Variants in ALPK1 observed in about 807,000 individuals in gnomAD.
ALPK1 encodes the protein alpha kinase 1, also known as alpha-protein kinase 1.
In ALPK1, 110 loss-of-function variants were observed where a neutral mutation model predicts 120.6. The observed-to-expected ratio is 0.91, with a 90% CI of 0.78 to 1.07. The LOEUF is 1.07. Among genes scored for constraint, ALPK1 ranks in the 50% least tolerant of loss-of-function variants. The pLI, the probability that ALPK1 is intolerant of heterozygous loss-of-function variation, is 0.00. For synonymous variants in ALPK1, 582 were observed against 560.3 expected (o/e 1.04, Z -0.55); for missense variants, 1,498 against 1,483.9 (o/e 1.01, Z -0.16).
intron 4 of ALPK1, among the ~76,000 whole-genome samples, chr4:112,399,754 C>A (rs1295523707): frequency 6.6e-6 from 1 of 152,084 alleles, no homozygotes; most frequent in Non-Finnish European, 1.5e-5. Flanking sequence ...CTCTTGTCCT[C>A]CACCCCTCTA....
chr4:112,335,538 T>C (rs1299670514), intron 2 of ALPK1, among the ~76,000 whole-genome samples: 2 of 152,174 alleles, frequency 1.3e-5, no homozygotes, highest in Non-Finnish European at 2.9e-5. Flanking sequence ...ACTGGAATCC[T>C]GTTTGAGGGA....
rs17044455 is a variant in ALPK1, at chr4:112,346,266, A to T, written c.-101+30414A>T. Among the ~76,000 whole-genome samples, 1,058 of 152,354 alleles carry T rather than the reference A, an allele frequency of 6.9e-3. 15 individuals carry two copies. The highest frequency in any genetic ancestry group is 0.024 in the African/African-American group (992 of 41,582). ...ATTATATCATATATTATCAGTCAGA[A>T]ATCATGGGACTTTGAGTTTTAAGAA... On this transcript the variant is annotated intron_variant, in intron 2 of 15. Transcript: ENST00000650871.
At chr4:112,346,770 A>G (rs1285779833) in intron 2 of ALPK1, among the ~76,000 whole-genome samples, 1 of 152,260 alleles carries the variant, frequency 6.6e-6, no homozygotes, top group Non-Finnish European at 1.5e-5. Flanking sequence ...CACATAGCCA[A>G]CATCGAAAAA....
chr4:112,333,610 G>T (rs1310177174), intron 2 of ALPK1, among the ~76,000 whole-genome samples: 1 of 152,140 alleles, frequency 6.6e-6, no homozygotes, highest in East Asian at 1.9e-4. Context: ...CAGAACTAGC[G>T]CATTTACCAG....
Position 112,432,042 on chromosome 4 carries a change from C to G in ALPK1, c.2495C>G (p.Ser832Cys). ...TPNWPVQNPD[S>C]RKSGGPVAEQ... is the part of the protein sequence containing the mutation. ...AATTGGCCTGTTCAAAATCCTGACTCCAGAAAAAGTGGTGGCCCAGTCGCA... is the reference window on the plus strand; with the variant it reads ...AATTGGCCTGTTCAAAATCCTGACTGCAGAAAAAGTGGTGGCCCAGTCGCA... The change falls in exon 11 of 16, where the codon TCC becomes TGC. Residue 832 changes from serine to cysteine, a missense_variant. By Grantham distance (112) the Ser-to-Cys change is moderately radical (BLOSUM62 -1). Transcript: ENST00000650871. The G allele has an allele frequency of 6.2e-7, 1 of 1,613,910 alleles. No individual in the cohort carries two copies. Among genetic ancestry groups the G allele is most frequent in the Non-Finnish European group, 8.5e-7 (1 of 1,179,894 alleles).
chr4:112,383,827 T>C lies in ALPK1; in HGVS notation c.276+1275T>C, dbSNP rs532205569. 2.6e-5 allele frequency: 4 copies of C among 152,314 alleles called. No homozygotes were observed. The South Asian group carries it at 6.2e-4, about 24-fold the overall frequency. The allele number at this position is 152,314 out of a possible 1,614,324, so 9.4% of individuals were successfully genotyped here. On this transcript the variant is annotated intron_variant, in intron 4 of 15. Coordinates refer to ENST00000650871, the MANE Select transcript of ALPK1 (RefSeq NM_025144.4). Reference sequence around the variant, plus strand: ...AAAAATATTATACATTAAAAATGCATTTACTACACCCAACCTACTAAACAT... The same window carrying C: ...AAAAATATTATACATTAAAAATGCACTTACTACACCCAACCTACTAAACAT...
intron 4 of ALPK1, among the ~76,000 whole-genome samples, chr4:112,407,968 G>T (rs1049001246): frequency 6.6e-6 from 1 of 151,976 alleles, no homozygotes; most frequent in Non-Finnish European, 1.5e-5. Context: ...TTAGCCGGGC[G>T]TGGTGGCGTG....
intron 1 of ALPK1, among the ~76,000 whole-genome samples, chr4:112,297,785 C>A (rs1727605764): frequency 6.6e-6 from 1 of 152,048 alleles, no homozygotes; most frequent in Non-Finnish European, 1.5e-5. Flanking sequence ...TTTCTTAAGT[C>A]ACTGAGCTTC....
chr4:112,301,515 C>A (rs1313459597), intron 1 of ALPK1, among the ~76,000 whole-genome samples: 2 of 152,130 alleles, frequency 1.3e-5, no homozygotes, highest in Non-Finnish European at 2.9e-5. Flanking sequence ...CTCCTTCTAG[C>A]TTTCTGCTCT....
intron 4 of ALPK1, among the ~76,000 whole-genome samples, chr4:112,408,052 A>G (rs779324510): frequency 5.3e-5 from 8 of 152,066 alleles, no homozygotes; most frequent in Non-Finnish European, 8.8e-5. Flanking sequence ...GGTTGCAGTG[A>G]GCAGAGATTA....
chr4:112,438,733 G>A, intron 13 of ALPK1, 87 bp downstream of exon 13: 1 of 1,452,704 alleles, frequency 6.9e-7, no homozygotes, highest in Non-Finnish European at 9.4e-7. Context: ...ACATAATCAG[G>A]CTAGCATTTT....
At chr4:112,301,292 T>C (rs1024224368) in intron 1 of ALPK1, among the ~76,000 whole-genome samples, 9 of 152,224 alleles carry the variant, frequency 5.9e-5, no homozygotes, top group Admixed American at 2.0e-4. Context: ...CTTCTGAAGA[T>C]TGCAGGTTAC....
chr4:112,320,085 A>G (rs1434450699), intron 2 of ALPK1, among the ~76,000 whole-genome samples: 1 of 152,194 alleles, frequency 6.6e-6, no homozygotes, highest in Non-Finnish European at 1.5e-5. Flanking sequence ...GCTATGTTGA[A>G]TAGAAGTTGT....
At chr4:112,396,915 C>T (rs374630959) in intron 4 of ALPK1, among the ~76,000 whole-genome samples, 1 of 152,070 alleles carries the variant, frequency 6.6e-6, no homozygotes, top group Admixed American at 6.6e-5. Context: ...GTAACTGGAA[C>T]CACATGCGTG....
In ALPK1 at chr4:112,431,377, G is replaced by A. The variant is rs773155528; in HGVS notation, c.1830G>A (p.Glu610=). The change falls in exon 11 of 16, where the codon GAG becomes GAA. Residue 610 remains glutamate, a synonymous_variant. Transcript: ENST00000650871. The part of the protein sequence containing the change: ...YHVDDRSARK[E]PGKEHLVDTQ... The stretch of plus-strand genomic sequence containing the variant: ...TTGACGACAGGTCAGCCAGAAAAGA[G>A]CCTGGCAAAGAACATCTGGTGGACA... The A allele has an allele frequency of 6.2e-7, 1 of 1,614,200 alleles. No homozygotes were observed. Among genetic ancestry groups the A allele is most frequent in the Non-Finnish European group, 8.5e-7 (1 of 1,180,032 alleles).
chr4:112,414,163 TATA>T, intron 5 of ALPK1: 1 of 435,274 alleles, frequency 2.3e-6, no homozygotes, highest in Admixed American at 2.4e-5. Context: ...AAAGAGATTA[TATA>T]ATATTGTAAG....
chr4:112,402,950 G>C (rs1732987072), intron 4 of ALPK1, among the ~76,000 whole-genome samples: 1 of 151,560 alleles, frequency 6.6e-6, no homozygotes, highest in African/African-American at 2.4e-5. Context: ...AAAGAATCCT[G>C]AATCAAATTC....
chr4:112,431,403 C>T lies in ALPK1; in HGVS notation c.1856C>T (p.Thr619Ile). Residue 619 changes from threonine to isoleucine, a missense_variant, in exon 11 of 16, where the codon ACT (threonine) becomes ATT (isoleucine). By Grantham distance (89) the Thr-to-Ile change is moderately conservative (BLOSUM62 -1). Coordinates refer to ENST00000650871, the MANE Select transcript of ALPK1 (RefSeq NM_025144.4). ...CCTGGCAAAGAACATCTGGTGGACACTCAGTGTTCCACTGCCTTGTCTGAG... is the reference window on the plus strand; with the variant it reads ...CCTGGCAAAGAACATCTGGTGGACATTCAGTGTTCCACTGCCTTGTCTGAG... Reference protein sequence around the residue: ...KEPGKEHLVDTQCSTALSEEL... With the variant: ...KEPGKEHLVDIQCSTALSEEL... The T allele has an allele frequency of 2.5e-6, 4 of 1,614,210 alleles. No individual in the cohort carries two copies. The highest frequency in any genetic ancestry group is 3.4e-6 in the Non-Finnish European group (4 of 1,180,048).
intron 2 of ALPK1, among the ~76,000 whole-genome samples, chr4:112,347,009 T>C (rs1168108603): frequency 6.6e-6 from 1 of 152,184 alleles, no homozygotes; most frequent in African/African-American, 2.4e-5. Context: ...GTTCTTTTCT[T>C]CCCCTTCATT....
Sources: gnomAD v4.1 joint callset for allele counts (sites outside exome capture counted in the v4.1 genomes callset) on GRCh38, gnomAD v4.1.1 for gene constraint, MANE v1.5 for transcripts, NCBI Gene and HGNC (gene_info 2026-07-23, HGNC 2026-07-21) for gene names.